TEX9: variants seen among roughly 807,000 people sequenced by gnomAD.
TEX9 encodes the protein testis-expressed protein 9.
A neutral mutation model predicts 59.6 loss-of-function variants in TEX9; 74 were observed. That is an observed-to-expected ratio of 1.24 (90% CI 1.03 to 1.51). The LOEUF (loss-of-function observed/expected upper bound fraction) is 1.51. Ranked by LOEUF, TEX9 falls within the 40% of genes most tolerant of loss-of-function variation. The pLI is 0.00. For missense variants in TEX9, 522 were observed against 447.8 expected (o/e 1.17, Z -1.49); for synonymous variants, 186 against 152.2 (o/e 1.22, Z -1.64).
chr15:56,403,891 C>T (rs1387672026), intron 9 of TEX9, among the ~76,000 whole-genome samples: 4 of 152,226 alleles, frequency 2.6e-5, no homozygotes, highest in Non-Finnish European at 5.9e-5. Flanking sequence ...AAAGGAGTCC[C>T]TATTTAATAA....
intron 9 of TEX9, chr15:56,395,264 AT>A: frequency 6.0e-6 from 1 of 166,284 alleles, no homozygotes; most frequent in Non-Finnish European, 1.3e-5. Flanking sequence ...TACTTAAGAT[AT>A]TTTCAAGGTT....
intron 1 of TEX9, among the ~76,000 whole-genome samples, chr15:56,289,541 T>C (rs1478854368): frequency 6.6e-6 from 1 of 152,234 alleles, no homozygotes; most frequent in Non-Finnish European, 1.5e-5. Flanking sequence ...CAGCTAACAC[T>C]GTGGCTATTC....
intron 1 of TEX9, among the ~76,000 whole-genome samples, chr15:56,309,754 C>A (rs1427492324): frequency 9.7e-6 from 1 of 103,336 alleles, no homozygotes; most frequent in Non-Finnish European, 1.8e-5. Context: ...TATTCAGTAA[C>A]AATTAACAGT....
chr15:56,328,606 G>A (rs1171059331), intron 1 of TEX9, among the ~76,000 whole-genome samples: 1 of 152,172 alleles, frequency 6.6e-6, no homozygotes, highest in African/African-American at 2.4e-5. Flanking sequence ...TGACCAAAGA[G>A]CCCTTGGACT....
At chr15:56,321,849 G>A (rs1213495554) in intron 1 of TEX9, among the ~76,000 whole-genome samples, 1 of 152,042 alleles carries the variant, frequency 6.6e-6, no homozygotes, top group Non-Finnish European at 1.5e-5. Context: ...ATAATGGTTA[G>A]AGTAAAAATA....
In TEX9 at chr15:56,310,424, T is replaced by A. The variant is rs527958149; in HGVS notation, c.-106-63017T>A. ...TCCAGCCTGGGCAACAAGAGCAAAA[T>A]TCTGTCTCAAAAATCAAAACAAAAC... On this transcript the variant is annotated intron_variant, in intron 1 of 5. Coordinates refer to the TEX9 transcript ENST00000560827. Among the ~76,000 whole-genome samples the A allele has an allele frequency of 1.1e-3, 166 of 152,218 alleles. 1 individual carries two copies. Among genetic ancestry groups the A allele is most frequent in the African/African-American group, 3.7e-3 (152 of 41,536 alleles).
At chr15:56,411,718 C>T (rs1460573802) in intron 9 of TEX9, among the ~76,000 whole-genome samples, 1 of 152,110 alleles carries the variant, frequency 6.6e-6, no homozygotes, top group Non-Finnish European at 1.5e-5. Context: ...CAGGTGTTGG[C>T]CTGTTGACTC....
intron 1 of TEX9, among the ~76,000 whole-genome samples, chr15:56,310,195 G>T (rs1474730862): frequency 7.9e-5 from 12 of 152,180 alleles, no homozygotes; most frequent in Non-Finnish European, 1.3e-4. Context: ...ACTTTGGGAG[G>T]CTGAGGCAGT....
rs760540404 is a variant in TEX9, at chr15:56,365,504, A to C, written c.27+27A>C. 1.9e-6 allele frequency: 3 copies of C among 1,614,110 alleles called. No homozygotes were observed. In the South Asian group the frequency reaches 3.3e-5, roughly 18 times the overall value. ...TCAGTTCAACTCCAGGCTCCTGGGG[A>C]GCGTCTGGGTTCCGGCGACTAGGAC... On this transcript the variant is annotated intron_variant, in intron 1 of 12. Coordinates refer to ENST00000352903, the Ensembl canonical transcript of TEX9.
intron 1 of TEX9, among the ~76,000 whole-genome samples, chr15:56,336,617 G>A (rs1280064186): frequency 6.6e-6 from 1 of 152,142 alleles, no homozygotes; most frequent in Non-Finnish European, 1.5e-5. Context: ...ATGACAGATG[G>A]AAATTAGAAT....
At chr15:56,456,381 G>A in the TEX9 span, 2 of 1,592,698 alleles carry the variant, frequency 1.3e-6, no homozygotes, top group South Asian at 1.2e-5. Context: ...GAAATTTAGA[G>A]AAACCAAGAT....
the TEX9 span, among the ~76,000 whole-genome samples, chr15:56,457,815 TAA>T: frequency 2.1e-5 from 3 of 140,676 alleles, no homozygotes; most frequent in Non-Finnish European, 1.6e-5. Flanking sequence ...CCCTGTCTCT[TAA>T]AAAAAAAAAA....
At chr15:56,365,510 T>C (rs750644818) in intron 1 of TEX9, 33 bp downstream of exon 1, 1 of 1,614,086 alleles carries the variant, frequency 6.2e-7, no homozygotes, top group African/African-American at 1.3e-5. Flanking sequence ...GGGGAGCGTC[T>C]GGGTTCCGGC....
At chr15:56,430,377 T>C (rs1376231711) in intron 12 of TEX9, among the ~76,000 whole-genome samples, 1 of 152,102 alleles carries the variant, frequency 6.6e-6, no homozygotes, top group East Asian at 1.9e-4. Flanking sequence ...CAGTTAACTT[T>C]TTATTTTTTG....
chr15:56,457,637 C>A, the TEX9 span, among the ~76,000 whole-genome samples: 1 of 152,138 alleles, frequency 6.6e-6, no homozygotes, highest in Non-Finnish European at 1.5e-5. Context: ...GCCTGGGCAA[C>A]ATAGAGAGGT....
At chr15:56,389,157 C>G (rs2048094206) in intron 5 of TEX9, among the ~76,000 whole-genome samples, 161 bp from the exon 6 acceptor site, 1 of 152,004 alleles carries the variant, frequency 6.6e-6, no homozygotes, top group Admixed American at 6.6e-5. Flanking sequence ...TCTTTTCCAG[C>G]TATACAGTTG....
intron 12 of TEX9, chr15:56,443,330 T>G: frequency 1.2e-6 from 1 of 836,364 alleles, no homozygotes; most frequent in East Asian, 2.8e-5. Flanking sequence ...ATAATGTAAT[T>G]ACCAGTATGG....
intron 1 of TEX9, among the ~76,000 whole-genome samples, chr15:56,300,269 C>T (rs1247899339): frequency 6.6e-6 from 1 of 150,812 alleles, no homozygotes; most frequent in Non-Finnish European, 1.5e-5. Flanking sequence ...TGAGGAGAGG[C>T]TCCTTCTACT....
At chr15:56,310,179 C>T (rs1423594481) in intron 1 of TEX9, among the ~76,000 whole-genome samples, 16 of 152,272 alleles carry the variant, frequency 1.1e-4, no homozygotes, top group Middle Eastern at 3.4e-3. Context: ...CGCCTGTAAT[C>T]CCGACACTTT....
Sources: allele counts gnomAD v4.1 joint callset (sites outside exome capture counted in the v4.1 genomes callset), GRCh38; gene constraint gnomAD v4.1.1; transcripts MANE v1.5; gene names NCBI Gene and HGNC (gene_info 2026-07-23, HGNC 2026-07-21).